Variants in KAZN observed in about 807,000 individuals in gnomAD.
KAZN encodes the protein kazrin, periplakin interacting protein, also known as kazrin.
A neutral mutation model predicts 87.4 loss-of-function variants in KAZN; 40 were observed. The ratio of observed to expected loss-of-function variants is 0.46; its 90% CI spans 0.36 to 0.60. The LOEUF is 0.60. Ranked by LOEUF, KAZN falls within the 20% of genes least tolerant of loss-of-function variation. The pLI, the probability that KAZN is intolerant of heterozygous loss-of-function variation, is 0.00. For missense variants in KAZN, 898 were observed against 1,073.9 expected, an observed-to-expected ratio of 0.84 and a Z score of 2.29; for synonymous variants, 466 against 458.3, an observed-to-expected ratio of 1.02 and a Z score of -0.22.
intron 1 of KAZN, among the ~76,000 whole-genome samples, chr1:14,946,904 T>C (rs1272891907): frequency 6.6e-6 from 1 of 152,160 alleles, no homozygotes; most frequent in African/African-American, 2.4e-5. Context: ...GTCTATAATA[T>C]GGAAATAGAA....
rs79148240 is a variant in KAZN, at chr1:14,887,666, G to GTT, written c.227-73003_227-73002dup. On this transcript the variant is annotated intron_variant, in intron 1 of 14. Coordinates refer to ENST00000376030, the MANE Select transcript of KAZN (RefSeq NM_201628.3). Reference sequence around the variant, plus strand: ...TGGGAACCATCAACCCGTCGTGGTAGTTTTTTTTTTTTTTTTGCGGTCGTG... The same window carrying GTT: ...TGGGAACCATCAACCCGTCGTGGTAGTTTTTTTTTTTTTTTTTTGCGGTCGTG... Among the ~76,000 whole-genome samples the GTT allele has an allele frequency of 9.6e-3, 1,317 of 137,182 alleles. 17 individuals carry two copies. The highest frequency in any genetic ancestry group is 0.031 in the African/African-American group (1,175 of 37,364). 90.0% of individuals were successfully genotyped at this position (137,182 alleles called of 152,430 possible).
chr1:14,340,888 C>CTTTTTT (rs3085672), intron 2 of KAZN, among the ~76,000 whole-genome samples: 5,222 of 102,750 alleles, frequency 0.051, 459 homozygotes, highest in Middle Eastern at 0.13. Context: ...ATGATTTTCC[C>CTTTTTT]TTTTTTTTTT....
chr1:14,638,745 C>T (rs961516757), intron 1 of KAZN, among the ~76,000 whole-genome samples: 2 of 152,074 alleles, frequency 1.3e-5, no homozygotes, highest in Admixed American at 6.5e-5. Context: ...CCTTCCGCTT[C>T]TCCATCTTCA....
At chr1:14,963,294 G>A (rs541034391) in intron 2 of KAZN, among the ~76,000 whole-genome samples, 2 of 152,192 alleles carry the variant, frequency 1.3e-5, no homozygotes, top group African/African-American at 2.4e-5. Context: ...TTCTAAGTAC[G>A]TGACTTACCA....
At chr1:14,945,621 C>T (rs899416350) in intron 1 of KAZN, among the ~76,000 whole-genome samples, 2 of 152,218 alleles carry the variant, frequency 1.3e-5, no homozygotes, top group African/African-American at 4.8e-5. Context: ...TCGTTAGTGA[C>T]TTTATTGCTA....
At chr1:14,366,449 G>T (rs1244290455) in intron 2 of KAZN, among the ~76,000 whole-genome samples, 1 of 152,242 alleles carries the variant, frequency 6.6e-6, no homozygotes, top group African/African-American at 2.4e-5. Flanking sequence ...TCATAGCTGT[G>T]AAGCAGGATA....
At chr1:14,205,719 C>CA (rs1288560992) in intron 2 of KAZN, among the ~76,000 whole-genome samples, 4 of 151,312 alleles carry the variant, frequency 2.6e-5, no homozygotes, top group African/African-American at 4.9e-5. Context: ...CCCGTGTCTA[C>CA]AAAAAATGCA....
intron 2 of KAZN, among the ~76,000 whole-genome samples, chr1:14,493,025 G>T (rs75351012): frequency 6.6e-6 from 1 of 151,536 alleles, no homozygotes; most frequent in South Asian, 2.1e-4. Flanking sequence ...TTCCCTAGAC[G>T]TTCGCACAGC....
Position 14,757,345 on chromosome 1 carries a change from G to C in KAZN, c.226+158122G>C, listed in dbSNP as rs377057565. ...ATTTCTGAGCAATGGCTGAAGAAAGGCAGCTGGCTACTGAAACCGGAAGGA... is the reference window on the plus strand; with the variant it reads ...ATTTCTGAGCAATGGCTGAAGAAAGCCAGCTGGCTACTGAAACCGGAAGGA... On this transcript the variant is annotated intron_variant, in intron 1 of 14. Coordinates refer to ENST00000376030, the MANE Select transcript of KAZN (RefSeq NM_201628.3). 6.7e-4 allele frequency among the ~76,000 whole-genome samples: 102 copies of C among 152,310 alleles called. 2 individuals are homozygous for C. The highest frequency in any genetic ancestry group is 2.5e-3 in the African/African-American group (102 of 41,558).
At chr1:14,462,148 A>G (rs1667892293) in intron 2 of KAZN, among the ~76,000 whole-genome samples, 1 of 151,486 alleles carries the variant, frequency 6.6e-6, no homozygotes, top group Non-Finnish European at 1.5e-5. Context: ...TTGTTCTCCC[A>G]CAGTTTCACA....
At chr1:14,164,823 G>A (rs1174754542) in intron 1 of KAZN, among the ~76,000 whole-genome samples, 2 of 152,072 alleles carry the variant, frequency 1.3e-5, no homozygotes, top group Non-Finnish European at 2.9e-5. Flanking sequence ...ACAGGCATGA[G>A]CCACCGTGCC....
chr1:14,851,511 C>T (rs1295039524), intron 1 of KAZN, among the ~76,000 whole-genome samples: 1 of 152,228 alleles, frequency 6.6e-6, no homozygotes, highest in East Asian at 1.9e-4. Context: ...CAAATGTGGG[C>T]AAGCAAGAAC....
intron 2 of KAZN, among the ~76,000 whole-genome samples, chr1:14,408,557 C>T (rs1313577676): frequency 6.6e-6 from 1 of 152,112 alleles, no homozygotes; most frequent in South Asian, 2.1e-4. Context: ...TGGTGAGGGC[C>T]GTCTCCCAGG....
At chr1:13,916,744 G>T (rs534102386) in intron 1 of KAZN, among the ~76,000 whole-genome samples, 20 of 152,244 alleles carry the variant, frequency 1.3e-4, no homozygotes, top group South Asian at 1.0e-3. Context: ...AGATCTGCAG[G>T]CGAGGAAGAT....
At chr1:14,027,368 C>T (rs781618429) in intron 1 of KAZN, among the ~76,000 whole-genome samples, 4 of 152,154 alleles carry the variant, frequency 2.6e-5, no homozygotes, top group Non-Finnish European at 4.4e-5. Flanking sequence ...GATGCTAATG[C>T]CATAGCTCCC....
At chr1:14,581,194 C>G (rs903225725) in intron 2 of KAZN, among the ~76,000 whole-genome samples, 3 of 152,150 alleles carry the variant, frequency 2.0e-5, no homozygotes, top group Admixed American at 6.6e-5. Context: ...ATGTCTAACA[C>G]GCATCTCAAA....
intron 13 of KAZN, among the ~76,000 whole-genome samples, chr1:15,105,255 C>T (rs955806881): frequency 6.6e-6 from 1 of 152,186 alleles, no homozygotes; most frequent in Admixed American, 6.5e-5. Context: ...ATTCTTTAGA[C>T]ATTTGGTAGA....
chr1:14,308,276 G>T (rs942946580), intron 2 of KAZN, among the ~76,000 whole-genome samples: 1 of 152,150 alleles, frequency 6.6e-6, no homozygotes, highest in Admixed American at 6.5e-5. Flanking sequence ...GTATTGTTAT[G>T]AAAATGTTAA....
At chr1:14,328,328 T>G (rs1052592514) in intron 2 of KAZN, among the ~76,000 whole-genome samples, 1 of 152,228 alleles carries the variant, frequency 6.6e-6, no homozygotes, top group Non-Finnish European at 1.5e-5. Flanking sequence ...AGCTTCTCTA[T>G]TCTCAATTCC....
Sources: allele counts gnomAD v4.1 joint callset (sites outside exome capture counted in the v4.1 genomes callset), GRCh38; gene constraint gnomAD v4.1.1; transcripts MANE v1.5; gene names NCBI Gene and HGNC (gene_info 2026-07-23, HGNC 2026-07-21).